The following DLGAP1 variants were observed in gnomAD, a reference collection of about 807,000 sequenced individuals.
DLGAP1 encodes disks large-associated protein 1.
Under a neutral mutation model 90.8 loss-of-function variants are expected in DLGAP1, and 11 were observed. That is an observed-to-expected ratio of 0.12 (90% CI 0.08 to 0.20). DLGAP1 has a LOEUF of 0.20. Ranked by LOEUF, DLGAP1 falls within the 10% of genes least tolerant of loss-of-function variation. The pLI is 1.00. For synonymous variants in DLGAP1, 558 were observed against 540.7 expected (o/e 1.03, Z -0.44); for missense variants, 1,050 against 1,333.8 (o/e 0.79, Z 3.31).
intron 11 of DLGAP1, among the ~76,000 whole-genome samples, chr18:3,503,870 T>TGGATCA (rs1222352449): frequency 6.6e-6 from 1 of 152,104 alleles, no homozygotes; most frequent in Non-Finnish European, 1.5e-5. Context: ...CCGAAGTGGG[T>TGGATCA]GGATCACCTG....
chr18:3,973,856 T>C (rs1161574820), intron 3 of DLGAP1, among the ~76,000 whole-genome samples: 4 of 152,084 alleles, frequency 2.6e-5, no homozygotes, highest in African/African-American at 7.2e-5. Context: ...TCTGAGAACA[T>C]GTGCTGCTGT....
chr18:3,645,927 T>G (rs2059101146), intron 7 of DLGAP1, among the ~76,000 whole-genome samples: 2 of 152,228 alleles, frequency 1.3e-5, no homozygotes, highest in Admixed American at 1.3e-4. Flanking sequence ...GGAAACAGTC[T>G]TTCTGTGCTT....
intron 4 of DLGAP1, among the ~76,000 whole-genome samples, chr18:3,870,162 A>G (rs2070655781): frequency 1.3e-5 from 2 of 152,300 alleles, no homozygotes; most frequent in Middle Eastern, 3.4e-3. Flanking sequence ...GAATCATCCC[A>G]TATCTATGAA....
At chr18:3,561,253 T>TAA (rs1222676731) in intron 9 of DLGAP1, among the ~76,000 whole-genome samples, 5 of 66,370 alleles carry the variant, frequency 7.5e-5, no homozygotes, top group East Asian at 3.9e-4. Flanking sequence ...CCGTCTCTAC[T>TAA]AAAAAAAAAA....
chr18:3,914,069 AATATTTAAT>A (rs1332013238), intron 3 of DLGAP1, among the ~76,000 whole-genome samples: 70 of 152,012 alleles, frequency 4.6e-4, no homozygotes, highest in African/African-American at 1.6e-3. Flanking sequence ...GGGTGGGGGG[AATATTTAAT>A]ATCTATTCTC....
At chr18:3,802,470 G>A (rs183940890) in intron 5 of DLGAP1, among the ~76,000 whole-genome samples, 102 of 152,246 alleles carry the variant, frequency 6.7e-4, no homozygotes, top group African/African-American at 2.2e-3. Flanking sequence ...TAATACATCA[G>A]TCAGCTTAAT....
intron 9 of DLGAP1, among the ~76,000 whole-genome samples, chr18:3,550,734 C>CTTTTTTTTTTT (rs1165404588): frequency 4.7e-5 from 4 of 85,204 alleles, no homozygotes; most frequent in East Asian, 4.1e-4. Context: ...GAACCAGACC[C>CTTTTTTTTTTT]TTTTTTTTTT....
intron 3 of DLGAP1, among the ~76,000 whole-genome samples, chr18:3,895,306 C>CAT (rs1599125004): frequency 6.6e-6 from 1 of 150,818 alleles, no homozygotes; most frequent in African/African-American, 2.5e-5. Context: ...CACACACACA[C>CAT]ACACACACAC....
chr18:4,012,536 C>T (rs572974406), intron 2 of DLGAP1, among the ~76,000 whole-genome samples: 3 of 152,294 alleles, frequency 2.0e-5, no homozygotes, highest in African/African-American at 7.2e-5. Context: ...TATCCCCAAG[C>T]TACAGAGGGG....
At chr18:3,512,484 C>T (rs986034826) in intron 10 of DLGAP1, among the ~76,000 whole-genome samples, 2 of 152,224 alleles carry the variant, frequency 1.3e-5, no homozygotes, top group African/African-American at 4.8e-5. Context: ...TCAAACCTCT[C>T]ACCCCACAAC....
At chr18:4,449,394 A>T (rs945570462) in intron 1 of DLGAP1, among the ~76,000 whole-genome samples, 2 of 152,194 alleles carry the variant, frequency 1.3e-5, no homozygotes, top group African/African-American at 4.8e-5. Flanking sequence ...TCAGGCTGGG[A>T]TCAGCTCAGT....
At chr18:3,965,937 T>G (rs1329482176) in intron 3 of DLGAP1, among the ~76,000 whole-genome samples, 1 of 40,454 alleles carries the variant, frequency 2.5e-5, no homozygotes, top group Non-Finnish European at 5.1e-5. Context: ...TAAGACTCCA[T>G]GTCAAAAAAA....
intron 1 of DLGAP1, among the ~76,000 whole-genome samples, chr18:4,344,280 T>C (rs1438488489): frequency 6.6e-6 from 1 of 152,204 alleles, no homozygotes; most frequent in Non-Finnish European, 1.5e-5. Context: ...TACTCTATTG[T>C]TCCCATTTTA....
At chr18:4,180,583 A>G (rs901578986) in intron 1 of DLGAP1, among the ~76,000 whole-genome samples, 1 of 152,294 alleles carries the variant, frequency 6.6e-6, no homozygotes, top group Admixed American at 6.5e-5. Flanking sequence ...AGGTTTTTAA[A>G]AAGTAGTTTG....
chr18:4,207,427 C>T (rs951413904), intron 1 of DLGAP1, among the ~76,000 whole-genome samples: 5 of 152,136 alleles, frequency 3.3e-5, no homozygotes, highest in African/African-American at 1.2e-4. Flanking sequence ...ATTACCGGAA[C>T]TACAATTCAA....
chr18:3,862,020 G>C (rs560222462), intron 4 of DLGAP1, among the ~76,000 whole-genome samples: 1 of 152,316 alleles, frequency 6.6e-6, no homozygotes, highest in South Asian at 2.1e-4. Context: ...CATCAATCAT[G>C]TTCATTTTTC....
chr18:4,434,636 G>A (rs2083361319), intron 1 of DLGAP1, among the ~76,000 whole-genome samples: 1 of 152,120 alleles, frequency 6.6e-6, no homozygotes, highest in Admixed American at 6.5e-5. Flanking sequence ...TCCTGCAAGA[G>A]GCTGGTTCTT....
chr18:3,942,835 C>G (rs1181882646), intron 3 of DLGAP1, among the ~76,000 whole-genome samples: 1 of 152,108 alleles, frequency 6.6e-6, no homozygotes, highest in Non-Finnish European at 1.5e-5. Context: ...TATGAAGATG[C>G]ATTTTTTTTC....
intron 2 of DLGAP1, among the ~76,000 whole-genome samples, chr18:4,007,022 A>C (rs545087990): frequency 6.6e-6 from 1 of 152,328 alleles, no homozygotes; most frequent in East Asian, 1.9e-4. Context: ...ATTGTATAGA[A>C]ATAGGGCTGT....
Sources: gnomAD v4.1 joint callset for allele counts (sites outside exome capture counted in the v4.1 genomes callset) on GRCh38, gnomAD v4.1.1 for gene constraint, MANE v1.5 for transcripts, NCBI Gene and HGNC (gene_info 2026-07-23, HGNC 2026-07-21) for gene names.